The following CACNG6 variants were observed in gnomAD, a reference collection of about 807,000 sequenced individuals.
The protein encoded by CACNG6 is calcium voltage-gated channel auxiliary subunit gamma 6, also known as voltage-dependent calcium channel gamma-6 subunit.
CACNG6 carries 21 observed loss-of-function variants against 23.9 expected under a neutral mutation model. The ratio of observed to expected loss-of-function variants is 0.88; its 90% confidence interval spans 0.62 to 1.26. The LOEUF (loss-of-function observed/expected upper bound fraction) is 1.26, where lower values mean the gene tolerates loss of function less well. Ranked by LOEUF, CACNG6 falls within the 50% of genes most tolerant of loss-of-function variation. The pLI is 0.00. For missense variants in CACNG6, 340 were observed against 352.9 expected (o/e 0.96, Z 0.29); for synonymous variants, 182 against 168.9 (o/e 1.08, Z -0.60).
At chr19:54,008,260 G>A (rs1300058160) in intron 3 of CACNG6, among the ~76,000 whole-genome samples, 2 of 152,172 alleles carry the variant, frequency 1.3e-5, no homozygotes, top group African/African-American at 2.4e-5. Context: ...GGCTGAGGCA[G>A]GAGAGTCTCT....
At chr19:54,011,227 T>TATATATATAC (rs1442985544) in intron 3 of CACNG6, among the ~76,000 whole-genome samples, 5 of 95,288 alleles carry the variant, frequency 5.2e-5, no homozygotes, top group South Asian at 3.5e-4. Flanking sequence ...TATATATATA[T>TATATATATAC]ACACACACAC....
In CACNG6 at chr19:54,011,219, T is replaced by C. The variant is rs1202522664; in HGVS notation, c.545-732T>C. Among the ~76,000 whole-genome samples the C allele has an allele frequency of 7.4e-5, 5 of 67,718 alleles. No individual in the cohort carries two copies. In the East Asian group the frequency reaches 1.4e-3, roughly 19 times the overall value. 44.4% of individuals were successfully genotyped at this position (67,718 alleles called of 152,430 possible). A position where few individuals can be genotyped will look rare whatever the true frequency, so the allele number is the denominator to read the frequency against. On this transcript the variant is annotated intron_variant, in intron 3 of 3. Coordinates refer to ENST00000252729, the MANE Select transcript of CACNG6 (RefSeq NM_145814.2). ...AAAAAAAAAAAAATATATATATATATATATATATACACACACACACACACA... is the reference window on the plus strand; with the variant it reads ...AAAAAAAAAAAAATATATATATATACATATATATACACACACACACACACA...
rs141979752 is a variant in CACNG6, at chr19:54,009,385, C to T, written c.545-2566C>T. Among the ~76,000 whole-genome samples, 425 of 122,668 alleles carry T rather than the reference C, an allele frequency of 3.5e-3. 1 individual carries two copies. The highest frequency in any genetic ancestry group is 5.3e-3 in the Non-Finnish European group (282 of 53,022). 80.5% of individuals were successfully genotyped at this position (122,668 alleles called of 152,430 possible). A position where few individuals can be genotyped will look rare whatever the true frequency, so the allele number is the denominator to read the frequency against. ...GCAGTGAGCTGAGATCATGTCACTG[C>T]GTTGCAGTGAGCTGAGATCATGTCA... On this transcript the variant is annotated intron_variant, in intron 3 of 3. Transcript: ENST00000252729.
intron 3 of CACNG6, among the ~76,000 whole-genome samples, chr19:54,011,430 C>CAAAAAAAAAAAAAAAA (rs59105087): frequency 5.0e-5 from 5 of 100,538 alleles, no homozygotes; most frequent in Non-Finnish European, 1.0e-4. Context: ...GACTCCGTCT[C>CAAAAAAAAAAAAAAAA]AAAAAAAAAA....
chr19:53,997,643 G>A (rs1328341572), intron 1 of CACNG6, among the ~76,000 whole-genome samples: 1 of 152,046 alleles, frequency 6.6e-6, no homozygotes, highest in African/African-American at 2.4e-5. Flanking sequence ...GCTGATTCCG[G>A]CTGCCTCTCT....
intron 3 of CACNG6, among the ~76,000 whole-genome samples, chr19:54,003,322 G>A (rs1427565523): frequency 6.6e-6 from 1 of 152,104 alleles, no homozygotes; most frequent in East Asian, 1.9e-4. Flanking sequence ...GGAGGCTGGA[G>A]AAGCCGCAGG....
intron 3 of CACNG6, among the ~76,000 whole-genome samples, chr19:54,005,982 C>T (rs926269857): frequency 4.7e-5 from 7 of 148,262 alleles, no homozygotes; most frequent in Admixed American, 1.3e-4. Flanking sequence ...CCCAGCAACT[C>T]GGGAGGCTGA....
chr19:53,994,622 C>T (rs2069502711), intron 1 of CACNG6, among the ~76,000 whole-genome samples: 1 of 152,166 alleles, frequency 6.6e-6, no homozygotes, highest in Non-Finnish European at 1.5e-5. Context: ...TCTTCAGTCT[C>T]CAAAGACGGT....
rs1174799698 is a variant in CACNG6, at chr19:54,002,275, G to GTTTTTTTTTTTTTTTTTTTTTTTTTT, written c.544+2512_544+2513insTTTTTTTTTTTTTTTTTTTTTTTTTT. ...AGCCCGGCTAATTTTCGGTTTTTTT[G>GTTTTTTTTTTTTTTTTTTTTTTTTTT]TTTTTTTTGTTTTTTTTTTTTTTGT... On this transcript the variant is annotated intron_variant, in intron 3 of 3. Coordinates refer to ENST00000252729, the MANE Select transcript of CACNG6 (RefSeq NM_145814.2). 2.0e-4 allele frequency among the ~76,000 whole-genome samples: 23 copies of GTTTTTTTTTTTTTTTTTTTTTTTTTT among 116,424 alleles called. 3 individuals are homozygous for GTTTTTTTTTTTTTTTTTTTTTTTTTT. The highest frequency in any genetic ancestry group is 6.9e-4 in the African/African-American group (15 of 21,584). The allele number at this position is 116,424 out of a possible 152,430, so 76.4% of individuals were successfully genotyped here. A position where few individuals can be genotyped will look rare whatever the true frequency, so the allele number is the denominator to read the frequency against.
At chr19:54,011,205 A>AATATATATATATATATATATAT (rs1555819785) in intron 3 of CACNG6, among the ~76,000 whole-genome samples, 5 of 102,464 alleles carry the variant, frequency 4.9e-5, no homozygotes, top group South Asian at 2.9e-4. Context: ...AAAAAAAAAA[A>AATATATATATATATATATATAT]ATATATATAT....
intron 1 of CACNG6, among the ~76,000 whole-genome samples, chr19:53,994,267 G>A (rs544460120): frequency 8.5e-5 from 13 of 152,224 alleles, no homozygotes; most frequent in African/African-American, 3.1e-4. Context: ...ACACCCGAGG[G>A]CAGACCTTGT....
rs1392008939 is a variant in CACNG6, at chr19:53,992,368, C to T, written c.-510C>T. On this transcript the variant is annotated 5_prime_UTR_variant, in exon 1 of 4. Transcript: ENST00000252729. The surrounding 1 kb of genome is among the most constrained non-coding windows in gnomAD (Gnocchi z 4.1). Reference sequence around the variant, plus strand: ...CAAACACACACAGGACCTCAGGTCCCTTCCTGGGTACCCCAAACTCTTAGC... The same window carrying T: ...CAAACACACACAGGACCTCAGGTCCTTTCCTGGGTACCCCAAACTCTTAGC... 1 of 152,452 alleles carries T rather than the reference C, an allele frequency of 6.6e-6. No individual in the cohort carries two copies. Among genetic ancestry groups the T allele is most frequent in the African/African-American group, 2.4e-5 (1 of 41,478 alleles). The allele number at this position is 152,452 out of a possible 1,614,324, so 9.4% of individuals were successfully genotyped here.
Position 53,998,318 on chromosome 19 carries a change from G to C in CACNG6, c.406+5G>C. On this transcript the variant is annotated splice_donor_5th_base_variant and intron_variant, in intron 2 of 3. Transcript: ENST00000252729. ...TTCAGAGAACCACAAAGAAAGGTGA[G>C]AACTTTTCACCCCCTGCTGGGTGAC... 1 of 1,613,328 alleles carries C rather than the reference G, an allele frequency of 6.2e-7. No homozygotes were observed. Among genetic ancestry groups the C allele is most frequent in the Non-Finnish European group, 8.5e-7 (1 of 1,179,430 alleles).
chr19:54,009,500 G>T (rs928468804), intron 3 of CACNG6, among the ~76,000 whole-genome samples: 2 of 151,006 alleles, frequency 1.3e-5, no homozygotes, highest in Non-Finnish European at 2.9e-5. Flanking sequence ...ACCTGTAGTC[G>T]CAGGTACTCA....
chr19:53,993,647 C>A (rs1324890944), intron 1 of CACNG6, among the ~76,000 whole-genome samples: 3 of 149,912 alleles, frequency 2.0e-5, no homozygotes, highest in African/African-American at 7.4e-5. Context: ...CCATCCTGTA[C>A]CCCGACTATC....
In CACNG6 at chr19:53,992,657, G is replaced by A; in HGVS notation, c.-221G>A. ...CTAGACCCTCCTCTGAACCCCAGAG[G>A]CTTCCCCAGCCCTGGGGATCATTTT... On this transcript the variant is annotated 5_prime_UTR_variant, in exon 1 of 4. Transcript: ENST00000252729. This position sits in a 1 kb window ranked among gnomAD's most constrained non-coding sequence, Gnocchi z 4.1. The A allele has an allele frequency of 2.8e-6, 1 of 358,676 alleles. No homozygotes were observed. The highest frequency in any genetic ancestry group is 5.0e-6 in the Non-Finnish European group (1 of 201,108). The allele number at this position is 358,676 out of a possible 1,614,324, so 22.2% of individuals were successfully genotyped here.
intron 3 of CACNG6, among the ~76,000 whole-genome samples, chr19:54,006,089 C>T (rs1047585465): frequency 7.5e-4 from 10 of 13,318 alleles, no homozygotes; most frequent in Non-Finnish European, 3.0e-3. Context: ...GACTCTGTTT[C>T]AAAAATAAAT....
At chr19:54,008,227 C>A (rs1026913508) in intron 3 of CACNG6, among the ~76,000 whole-genome samples, 1 of 150,776 alleles carries the variant, frequency 6.6e-6, no homozygotes, top group Non-Finnish European at 1.5e-5. Flanking sequence ...GTGGCAAGAG[C>A]CTGTAGTCCC....
intron 2 of CACNG6, among the ~76,000 whole-genome samples, chr19:53,999,062 C>G (rs987271190): frequency 6.6e-6 from 1 of 152,030 alleles, no homozygotes; most frequent in African/African-American, 2.4e-5. Context: ...AAATTTTTCA[C>G]CATGTTGGCC....
Sources: allele counts gnomAD v4.1 joint callset (sites outside exome capture counted in the v4.1 genomes callset), GRCh38; gene constraint gnomAD v4.1.1; non-coding constraint Gnocchi (gnomAD v3.1); transcripts MANE v1.5; gene names NCBI Gene and HGNC (gene_info 2026-07-23, HGNC 2026-07-21).